The following STARD13 variants were observed in gnomAD, a reference collection of about 807,000 sequenced individuals.
The protein encoded by STARD13 is StAR related lipid transfer domain containing 13, also known as stAR-related lipid transfer protein 13.
In STARD13, 62 loss-of-function variants were observed where a neutral mutation model predicts 106.4. The observed-to-expected ratio is 0.58, with a 90% CI of 0.48 to 0.72. STARD13 has a LOEUF of 0.72. Ranked by LOEUF, STARD13 falls within the 30% of genes least tolerant of loss-of-function variation. The pLI is 0.00. For synonymous variants in STARD13, 565 were observed against 553.0 expected (o/e 1.02, Z -0.31); for missense variants, 1,387 against 1,424.0 (o/e 0.97, Z 0.42).
At chr13:33,339,801 CA>C (rs1264239689) in intron 1 of STARD13, among the ~76,000 whole-genome samples, 1 of 151,996 alleles carries the variant, frequency 6.6e-6, no homozygotes, top group African/African-American at 2.4e-5. Context: ...AAGAAAGACA[CA>C]ATGGCTGGGC....
intron 1 of STARD13, among the ~76,000 whole-genome samples, chr13:33,210,884 A>G (rs2858127): frequency 0.37 from 55,605 of 151,904 alleles, 10,592 homozygotes; most frequent in African/African-American, 0.45. Flanking sequence ...AGAATCGGCC[A>G]TTTCAAGCCC....
the STARD13 span, among the ~76,000 whole-genome samples, chr13:33,660,823 A>T: frequency 2.6e-5 from 4 of 152,214 alleles, no homozygotes; most frequent in African/African-American, 9.6e-5. Flanking sequence ...GCCTCGAATG[A>T]TCCTCCTGCC....
chr13:33,428,803 T>C, the STARD13 span, among the ~76,000 whole-genome samples: 1 of 152,142 alleles, frequency 6.6e-6, no homozygotes. Context: ...AGGAGCTTTT[T>C]AGGAGCCCAA....
chr13:33,585,892 G>A, the STARD13 span, among the ~76,000 whole-genome samples: 1 of 152,170 alleles, frequency 6.6e-6, no homozygotes, highest in East Asian at 1.9e-4. Flanking sequence ...AGGCAACTTT[G>A]TGTACAGAGA....
At chr13:33,480,881 T>C in the STARD13 span, among the ~76,000 whole-genome samples, 1 of 152,126 alleles carries the variant, frequency 6.6e-6, no homozygotes, top group Non-Finnish European at 1.5e-5. Context: ...TCTTATCATA[T>C]GTAAAATCCG....
At chr13:33,467,057 G>A in the STARD13 span, among the ~76,000 whole-genome samples, 3 of 151,982 alleles carry the variant, frequency 2.0e-5, no homozygotes, top group Admixed American at 2.0e-4. Context: ...GGGTGGGGAT[G>A]ATTTGGGGAG....
the STARD13 span, among the ~76,000 whole-genome samples, chr13:33,639,735 T>G: frequency 6.6e-6 from 1 of 152,216 alleles, no homozygotes; most frequent in African/African-American, 2.4e-5. Context: ...CAAACTTCAT[T>G]CAAATAAGGC....
At chr13:33,379,351 T>C in the STARD13 span, among the ~76,000 whole-genome samples, 1 of 152,202 alleles carries the variant, frequency 6.6e-6, no homozygotes, top group Admixed American at 6.5e-5. Context: ...ATAAAAGCCA[T>C]ATAACAATAT....
chr13:33,291,928 G>A (rs906058393), intron 1 of STARD13, among the ~76,000 whole-genome samples: 7 of 152,118 alleles, frequency 4.6e-5, no homozygotes, highest in Non-Finnish European at 8.8e-5. Flanking sequence ...TTGAACTTAA[G>A]AAGAGGTCTT....
At chr13:33,167,230 G>C (rs950344374) in intron 2 of STARD13, among the ~76,000 whole-genome samples, 1 of 152,102 alleles carries the variant, frequency 6.6e-6, no homozygotes, top group Non-Finnish European at 1.5e-5. Context: ...AGTAGTAAAG[G>C]AAAAACAAGG....
intron 7 of STARD13, among the ~76,000 whole-genome samples, chr13:33,122,359 CA>C (rs1279816021): frequency 6.6e-6 from 1 of 152,226 alleles, no homozygotes; most frequent in African/African-American, 2.4e-5. Context: ...AGGAAGATCC[CA>C]GGAGGGCATA....
At chr13:33,674,349 C>T in the STARD13 span, among the ~76,000 whole-genome samples, 1 of 152,126 alleles carries the variant, frequency 6.6e-6, no homozygotes, top group Non-Finnish European at 1.5e-5. Context: ...ATTTCTTCAG[C>T]CTTTCATTCA....
At chr13:33,240,863 G>T (rs918389431) in intron 1 of STARD13, among the ~76,000 whole-genome samples, 1 of 151,988 alleles carries the variant, frequency 6.6e-6, no homozygotes, top group Non-Finnish European at 1.5e-5. Flanking sequence ...TTCATTTTCA[G>T]ATTGATAATT....
At chr13:33,409,833 A>G in the STARD13 span, among the ~76,000 whole-genome samples, 1 of 152,242 alleles carries the variant, frequency 6.6e-6, no homozygotes, top group African/African-American at 2.4e-5. Context: ...ACCAGTCTTA[A>G]CTGGAAGTGC....
intron 1 of STARD13, among the ~76,000 whole-genome samples, chr13:33,230,187 T>C (rs1888841994): frequency 6.6e-6 from 1 of 152,236 alleles, no homozygotes; most frequent in South Asian, 2.1e-4. Flanking sequence ...CTGAGTCTTA[T>C]GTCCCCAGAT....
chr13:33,129,681 C>G lies in STARD13; in HGVS notation c.996G>C (p.Glu332Asp), dbSNP rs769090666. The G allele has an allele frequency of 3.7e-6, 6 of 1,614,096 alleles. No individual in the cohort carries two copies. In the East Asian group the frequency reaches 1.1e-4, roughly 30 times the overall value. ...TGCTGCTGTGCTCCGACGGGCTGCT[C>G]TCGCCACTCGACTTGCCAGAGCATG... ...GLPCSGKSSGESSPSEHSSSG... is the reference protein window; with the variant it reads ...GLPCSGKSSGDSSPSEHSSSG... Residue 332 changes from glutamate (E) to aspartate (D), a missense_variant, in exon 5 of 14, where the codon GAG becomes GAC. Physicochemically the swap from Glu to Asp is conservative, Grantham distance 45. Coordinates refer to ENST00000336934, the MANE Select transcript of STARD13 (RefSeq NM_178006.4).
At chr13:33,342,454 A>T (rs952766575) in intron 1 of STARD13, among the ~76,000 whole-genome samples, 1 of 152,038 alleles carries the variant, frequency 6.6e-6, no homozygotes, top group Non-Finnish European at 1.5e-5. Flanking sequence ...CCTTAAAAAA[A>T]GTTTGTTTGC....
chr13:33,411,407 T>G, the STARD13 span, among the ~76,000 whole-genome samples: 2 of 152,202 alleles, frequency 1.3e-5, no homozygotes, highest in African/African-American at 4.8e-5. Flanking sequence ...GTCCACTCTC[T>G]AGAGACACCA....
chr13:33,650,622 G>A, the STARD13 span, among the ~76,000 whole-genome samples: 1 of 152,180 alleles, frequency 6.6e-6, no homozygotes, highest in Non-Finnish European at 1.5e-5. Context: ...TCAGTAATTG[G>A]TCCTGGAGGG....
Sources: allele counts gnomAD v4.1 joint callset (sites outside exome capture counted in the v4.1 genomes callset), GRCh38; gene constraint gnomAD v4.1.1; transcripts MANE v1.5; gene names NCBI Gene and HGNC (gene_info 2026-07-23, HGNC 2026-07-21).